Variants in CAPN8 observed in about 807,000 individuals in gnomAD.
CAPN8 encodes the protein calpain 8.
Under a neutral mutation model 80.9 loss-of-function variants are expected in CAPN8, and 87 were observed. The observed-to-expected ratio is 1.07, with a 90% CI of 0.90 to 1.28. The LOEUF is 1.28. CAPN8 is among the 50% of genes most tolerant of loss of function. The pLI, the probability that CAPN8 is intolerant of heterozygous loss-of-function variation, is 0.00. For synonymous variants in CAPN8, 299 were observed against 273.8 expected (o/e 1.09, Z -0.91); for missense variants, 757 against 702.0 (o/e 1.08, Z -0.89).
At chr1:223,660,420 T>C (rs1658613902) in intron 1 of CAPN8, among the ~76,000 whole-genome samples, 1 of 152,172 alleles carries the variant, frequency 6.6e-6, no homozygotes, top group Non-Finnish European at 1.5e-5. Context: ...ACCATGCTGT[T>C]TGTGGTAGGA....
intron 9 of CAPN8, chr1:223,617,095 T>C (rs2102702229): frequency 6.6e-6 from 1 of 152,280 alleles, no homozygotes; most frequent in Admixed American, 6.5e-5. Context: ...AATAATGATG[T>C]GCCCGGGAGG....
chr1:223,548,747 C>T (rs1353118297), intron 16 of CAPN8, among the ~76,000 whole-genome samples: 1 of 152,208 alleles, frequency 6.6e-6, no homozygotes, highest in Non-Finnish European at 1.5e-5. Context: ...TCTCCTGTTA[C>T]AGCAGCCAGA....
chr1:223,625,973 C>T, intron 5 of CAPN8, 85 bp from the exon 6 acceptor site: 2 of 1,067,550 alleles, frequency 1.9e-6, no homozygotes, highest in South Asian at 1.4e-5. Context: ...ACACACTACA[C>T]AGCCACTGGG....
intron 1 of CAPN8, among the ~76,000 whole-genome samples, chr1:223,656,082 A>G (rs962214673): frequency 6.6e-6 from 1 of 151,966 alleles, no homozygotes. Context: ...GGAACCTTCC[A>G]GGTGGCAGCC....
intron 7 of CAPN8, among the ~76,000 whole-genome samples, chr1:223,621,013 C>T (rs1572236417): frequency 6.6e-6 from 1 of 151,412 alleles, no homozygotes; most frequent in African/African-American, 2.4e-5. Flanking sequence ...AAAACCTAAG[C>T]ACCTTCTCTC....
At chr1:223,611,608 T>A (rs1420541763) in intron 11 of CAPN8, among the ~76,000 whole-genome samples, 1 of 152,142 alleles carries the variant, frequency 6.6e-6, no homozygotes, top group African/African-American at 2.4e-5. Context: ...GTCCTTGAAT[T>A]TTTTCCTGGG....
rs2102696027 is a variant in CAPN8, at chr1:223,609,145, A to G, written c.1535+8T>C. The G allele has an allele frequency of 2.5e-6, 1 of 398,228 alleles. No individual in the cohort carries two copies. The highest frequency in any genetic ancestry group is 3.6e-5 in the East Asian group (1 of 27,988). The allele number at this position is 398,228 out of a possible 1,614,324, so 24.7% of individuals were successfully genotyped here. A position where few individuals can be genotyped will look rare whatever the true frequency, so the allele number is the denominator to read the frequency against. On this transcript the variant is annotated splice_region_variant and intron_variant, in intron 12 of 20. Coordinates refer to ENST00000366872, the MANE Select transcript of CAPN8 (RefSeq NM_001143962.2). ...ACTGTTCCCCACCACGGAGGGAAGG[A>G]GACGCACAGGGCCTGGGCCTTCTTC...
intron 14 of CAPN8, among the ~76,000 whole-genome samples, chr1:223,553,031 C>A (rs970142710): frequency 2.7e-4 from 41 of 152,272 alleles, no homozygotes; most frequent in African/African-American, 9.4e-4. Context: ...ATTCTGATAT[C>A]TTTTCTTCTA....
intron 9 of CAPN8, chr1:223,617,286 G>GA (rs1376163591): frequency 6.7e-6 from 1 of 150,280 alleles, no homozygotes; most frequent in Non-Finnish European, 1.5e-5. Context: ...TTTTTGGGGG[G>GA]GGGGGTTGTT....
rs368233292 is a variant in CAPN8, at chr1:223,665,411, G to A, written c.236C>T (p.Thr79Met). Residue 79 changes from threonine to methionine, a missense_variant and splice_region_variant, in exon 1 of 21, where the codon ACG becomes ATG. Transcript: ENST00000366872. ...TCAACAGCAAGCCCGCTTCCTTACC[G>A]TGGGCCGCTTCCAGATGATGCCTTG... ...QTQGIIWKRP[T>M]ELCPSPQFIV... 4.5e-5 allele frequency: 69 copies of A among 1,550,044 alleles called. No homozygotes were observed. Among genetic ancestry groups the A allele is most frequent in the Non-Finnish European group, 5.2e-5 (60 of 1,145,480 alleles).
At chr1:223,551,354 G>A (rs2102691093) in intron 14 of CAPN8, among the ~76,000 whole-genome samples, 1 of 152,216 alleles carries the variant, frequency 6.6e-6, no homozygotes, top group East Asian at 1.9e-4. Context: ...TGTTGGCCAG[G>A]ATGATCTTGA....
At chr1:223,634,360 A>C (rs770727233) in intron 2 of CAPN8, among the ~76,000 whole-genome samples, 27 of 152,144 alleles carry the variant, frequency 1.8e-4, no homozygotes, top group Non-Finnish European at 3.5e-4. Flanking sequence ...TGCCAGTCAC[A>C]TCTCCAGGAG....
intron 11 of CAPN8, among the ~76,000 whole-genome samples, chr1:223,611,685 G>C (rs1572228931): frequency 6.6e-6 from 1 of 152,176 alleles, no homozygotes; most frequent in African/African-American, 2.4e-5. Flanking sequence ...TCAGTAAGAG[G>C]TATTTGCTCT....
At chr1:223,543,080 GCAAT>G in intron 20 of CAPN8, 24 bp downstream of exon 20, 1 of 1,551,180 alleles carries the variant, frequency 6.4e-7, no homozygotes, top group Non-Finnish European at 8.7e-7. Flanking sequence ...CCATCAGCCA[GCAAT>G]TCATCAAACC....
intron 1 of CAPN8, among the ~76,000 whole-genome samples, chr1:223,659,232 C>T (rs1266519499): frequency 1.3e-5 from 2 of 152,202 alleles, no homozygotes; most frequent in Non-Finnish European, 2.9e-5. Context: ...GGCCACACTG[C>T]TCTCCTAGAG....
intron 6 of CAPN8, among the ~76,000 whole-genome samples, chr1:223,624,171 G>A (rs982460081): frequency 6.6e-6 from 1 of 152,094 alleles, no homozygotes; most frequent in African/African-American, 2.4e-5. Context: ...CGCCTGCCCG[G>A]GCTCAAGCGA....
intron 2 of CAPN8, among the ~76,000 whole-genome samples, chr1:223,634,304 G>A (rs1476352190): frequency 6.6e-6 from 1 of 152,132 alleles, no homozygotes; most frequent in African/African-American, 2.4e-5. Flanking sequence ...AGTCAGCCAG[G>A]AAAGGTCCAC....
intron 2 of CAPN8, among the ~76,000 whole-genome samples, chr1:223,651,733 A>G (rs549671557): frequency 8.9e-4 from 135 of 152,368 alleles, no homozygotes; most frequent in African/African-American, 3.1e-3. Flanking sequence ...AATCCGACAG[A>G]GTGTAACACT....
At chr1:223,658,480 T>C (rs1658555973) in intron 1 of CAPN8, among the ~76,000 whole-genome samples, 1 of 152,188 alleles carries the variant, frequency 6.6e-6, no homozygotes, top group Non-Finnish European at 1.5e-5. Flanking sequence ...ACTGATATGT[T>C]GCATGAATCT....
Sources: gnomAD v4.1 joint callset for allele counts (sites outside exome capture counted in the v4.1 genomes callset) on GRCh38, gnomAD v4.1.1 for gene constraint, MANE v1.5 for transcripts, NCBI Gene and HGNC (gene_info 2026-07-23, HGNC 2026-07-21) for gene names.